Variants in FDFT1 observed in about 807,000 individuals in gnomAD.
FDFT1 encodes the protein farnesyl-diphosphate farnesyltransferase 1.
FDFT1 carries 68 observed loss-of-function variants against 46.8 expected under a neutral mutation model. The observed-to-expected ratio is 1.45, with a 90% CI of 1.19 to 1.78. The LOEUF is 1.78. FDFT1 is among the 40% of genes most tolerant of loss of function. The probability of loss-of-function intolerance (pLI) is 0.00; values close to 1 mark genes in which losing one functional copy is unlikely to be tolerated. For synonymous variants in FDFT1, 351 were observed against 185.1 expected, an observed-to-expected ratio of 1.90 and a Z score of -7.28; for missense variants, 928 against 524.4, an observed-to-expected ratio of 1.77 and a Z score of -7.52.
chr8:11,834,038 G>C (rs1022858479), intron 7 of FDFT1, among the ~76,000 whole-genome samples: 2 of 152,244 alleles, frequency 1.3e-5, no homozygotes, highest in Non-Finnish European at 2.9e-5. Context: ...CTGGCCTCTT[G>C]CTGGTGTCCA....
At chr8:11,802,288 C>T (rs1411490320), upstream of FDFT1, 5 of 386,740 alleles carry the variant, frequency 1.3e-5, no homozygotes, top group East Asian at 7.2e-5. Flanking sequence ...AGAGCTCACC[C>T]GGCTGGCAGG....
In FDFT1 at chr8:11,813,197, C is replaced by G. The variant is rs145074445; in HGVS notation, c.381+3347C>G. Among the ~76,000 whole-genome samples, 11 of 152,316 alleles carry G rather than the reference C, an allele frequency of 7.2e-5. No individual in the cohort carries two copies. In the East Asian group the frequency reaches 2.1e-3, roughly 29 times the overall value. On this transcript the variant is annotated intron_variant, in intron 3 of 7. Coordinates refer to ENST00000220584, the MANE Select transcript of FDFT1 (RefSeq NM_004462.5). ...CCATTGTATTTCCAGTCTCCGTTGA[C>G]TGAAACATCATTATACAGTACATGA...
intron 1 of FDFT1, 50 bp downstream of exon 1, chr8:11,802,981 C>T: frequency 2.6e-6 from 4 of 1,554,680 alleles, no homozygotes; most frequent in East Asian, 2.4e-5. Flanking sequence ...GCTCGCTGGG[C>T]CGGCCTCAGG....
intron 6 of FDFT1, 53 bp downstream of exon 6, chr8:11,830,473 G>C: frequency 2.3e-6 from 3 of 1,309,162 alleles, no homozygotes; most frequent in South Asian, 1.2e-5. Flanking sequence ...AGTGGGGTAG[G>C]AGTAAGGGTG....
chr8:11,828,149 A>G (rs1810270412), intron 5 of FDFT1, among the ~76,000 whole-genome samples: 1 of 152,026 alleles, frequency 6.6e-6, no homozygotes, highest in Non-Finnish European at 1.5e-5. Context: ...TTAGCTGGGT[A>G]TAGTGGCACA....
At chr8:11,799,943 TAA>T (rs57010317), upstream of FDFT1, among the ~76,000 whole-genome samples, 19 of 130,898 alleles carry the variant, frequency 1.5e-4, no homozygotes, top group African/African-American at 2.9e-4. Flanking sequence ...AGACTCCATT[TAA>T]AAAAAAAAAA....
chr8:11,828,505 C>T (rs1345577022), intron 5 of FDFT1, among the ~76,000 whole-genome samples: 5 of 152,180 alleles, frequency 3.3e-5, no homozygotes, highest in Admixed American at 6.5e-5. Flanking sequence ...TCTCAGTCTC[C>T]CGGCTCCTAG....
At position 11,838,500 on chromosome 8, in the gene FDFT1, A is replaced by G. The variant is rs1271660931; in HGVS notation, c.1145A>G (p.Tyr382Cys). ...PNCQLISRSH[Y>C]SPIYLSFVML... ...TGTCAGCTGATTTCCCGAAGCCACT[A>G]CTCCCCCATCTACCTGTCGTTTGTC... Residue 382 changes from tyrosine to cysteine, a missense_variant, in exon 8 of 8, where the codon TAC becomes TGC. Physicochemically the swap from Tyr to Cys is radical, Grantham distance 194. Coordinates refer to ENST00000220584, the MANE Select transcript of FDFT1 (RefSeq NM_004462.5). 1.2e-6 allele frequency: 2 copies of G among 1,605,462 alleles called. No individual in the cohort carries two copies. The highest frequency in any genetic ancestry group is 1.1e-5 in the South Asian group (1 of 90,196).
intron 3 of FDFT1, among the ~76,000 whole-genome samples, chr8:11,811,948 G>GCTGAT (rs1375149929): frequency 6.6e-6 from 1 of 152,214 alleles, no homozygotes; most frequent in East Asian, 1.9e-4. Context: ...TTGTGTATGT[G>GCTGAT]CTGATATAGC....
At chr8:11,804,021 A>G (rs1467022690) in intron 1 of FDFT1, among the ~76,000 whole-genome samples, 2 of 152,268 alleles carry the variant, frequency 1.3e-5, no homozygotes, top group Non-Finnish European at 2.9e-5. Context: ...ATATTTAGAT[A>G]TAGCATTCAT....
At chr8:11,803,179 G>A in intron 1 of FDFT1, 1 of 1,419,098 alleles carries the variant, frequency 7.0e-7, no homozygotes, top group Non-Finnish European at 9.3e-7. Context: ...GGTTCCCGGT[G>A]GTTGCGCTCC....
At chr8:11,838,273 C>A in intron 7 of FDFT1, 115 bp from the exon 8 acceptor site, 1 of 786,104 alleles carries the variant, frequency 1.3e-6, no homozygotes, top group Non-Finnish European at 2.2e-6. Context: ...TCTGAGCCTC[C>A]CTTTCCTCAT....
At chr8:11,815,321 A>G (rs989935953) in intron 3 of FDFT1, among the ~76,000 whole-genome samples, 13 of 152,204 alleles carry the variant, frequency 8.5e-5, no homozygotes, top group African/African-American at 2.9e-4. Flanking sequence ...ATAGTGCCAC[A>G]GTAAACATAC....
At position 11,809,092 on chromosome 8, in the gene FDFT1, A is replaced by C. The variant is rs1807338055; in HGVS notation, c.197+201A>C. 3 of 1,268,794 alleles carry C rather than the reference A, an allele frequency of 2.4e-6. No individual in the cohort carries two copies. In the East Asian group the frequency reaches 9.0e-5, roughly 38 times the overall value. 78.6% of individuals were successfully genotyped at this position (1,268,794 alleles called of 1,614,324 possible). Reference sequence around the variant, plus strand: ...CATCTAGTAGAGTCCCTGCGGGCCCAGCCTTTCAGAGAAGAGGGGGGAGGG... The same window carrying C: ...CATCTAGTAGAGTCCCTGCGGGCCCCGCCTTTCAGAGAAGAGGGGGGAGGG... On this transcript the variant is annotated intron_variant, in intron 2 of 7. Coordinates refer to ENST00000220584, the MANE Select transcript of FDFT1 (RefSeq NM_004462.5).
chr8:11,825,564 A>G (rs1188798148), intron 4 of FDFT1, among the ~76,000 whole-genome samples: 1 of 147,556 alleles, frequency 6.8e-6, no homozygotes, highest in Non-Finnish European at 1.5e-5. Context: ...AAAAAAAGTT[A>G]TTGTAAAGCT....
intron 3 of FDFT1, among the ~76,000 whole-genome samples, chr8:11,813,466 T>C (rs545068201): frequency 4.6e-5 from 7 of 152,226 alleles, no homozygotes; most frequent in Non-Finnish European, 1.0e-4. Flanking sequence ...TGTACTGTTA[T>C]CTACATTTTA....
intron 4 of FDFT1, among the ~76,000 whole-genome samples, chr8:11,825,299 T>G (rs1199820836): frequency 6.6e-6 from 1 of 152,086 alleles, no homozygotes; most frequent in Non-Finnish European, 1.5e-5. Context: ...CCCAGCACTT[T>G]GGGAGGCCAA....
rs1585967585 is a variant in FDFT1, at chr8:11,826,059, C to T, written c.546C>T (p.Gly182=). 1.2e-6 allele frequency: 2 copies of T among 1,603,400 alleles called. No individual in the cohort carries two copies. The highest frequency in any genetic ancestry group is 2.2e-5 in the East Asian group (1 of 44,624). ...ATGTTGCTGGGCTGGTCGGAATTGG[C>T]CTTTCCCGTCTTTTCTCAGCCTCAG... ...CHYVAGLVGI[G]LSRLFSASEF... The change falls in exon 5 of 8, where the codon GGC becomes GGT. Residue 182 remains glycine, a synonymous_variant. Transcript: ENST00000220584.
chr8:11,808,317 G>C (rs1293438313), intron 1 of FDFT1: 1 of 1,233,088 alleles, frequency 8.1e-7, no homozygotes, highest in East Asian at 3.2e-5. Flanking sequence ...AGTGGGTTCT[G>C]GTGAGAAGGG....
Sources: allele counts gnomAD v4.1 joint callset (sites outside exome capture counted in the v4.1 genomes callset), GRCh38; gene constraint gnomAD v4.1.1; transcripts MANE v1.5; gene names NCBI Gene and HGNC (gene_info 2026-07-23, HGNC 2026-07-21).